Variants in MFSD6 observed in about 807,000 individuals in gnomAD.
MFSD6 encodes major facilitator superfamily domain containing 6.
MFSD6 carries 26 observed loss-of-function variants against 56.3 expected under a neutral mutation model. The observed-to-expected ratio is 0.46, with a 90% confidence interval of 0.34 to 0.64. MFSD6 has a LOEUF of 0.64. MFSD6 is among the 30% of genes least tolerant of loss of function. MFSD6 has a pLI of 0.01. For missense variants in MFSD6, 750 were observed against 986.2 expected (o/e 0.76, Z 3.21); for synonymous variants, 331 against 366.9 (o/e 0.90, Z 1.12).
rs2125108032 is a variant in MFSD6, at chr2:190,458,172, T to C, written c.1533-11586T>C. Among the ~76,000 whole-genome samples the C allele has an allele frequency of 6.6e-6, 1 of 152,284 alleles. No individual in the cohort carries two copies. Among genetic ancestry groups the C allele is most frequent in the Non-Finnish European group, 1.5e-5 (1 of 68,026 alleles). ...GAGTTGTAAGTGACCTCGAAGGGCA[T>C]TTTAATGGGCTGAATTGTGGCCCCT... On this transcript the variant is annotated intron_variant, in intron 3 of 7. Coordinates refer to ENST00000392328, the MANE Select transcript of MFSD6 (RefSeq NM_017694.4). The surrounding 1 kb of genome is among the most constrained non-coding windows in gnomAD (Gnocchi z 5.3).
intron 3 of MFSD6, among the ~76,000 whole-genome samples, chr2:190,445,353 T>C (rs1361273541): frequency 6.6e-6 from 1 of 152,044 alleles, no homozygotes; most frequent in Non-Finnish European, 1.5e-5. Context: ...CATCAGAGTA[T>C]TTAAGAAAAT....
chr2:190,492,123 A>G lies in MFSD6; in HGVS notation c.1891+2257A>G, dbSNP rs75488522. 0.17 allele frequency among the ~76,000 whole-genome samples: 26,043 copies of G among 152,176 alleles called. 2,379 individuals carry two copies. The highest frequency in any genetic ancestry group is 0.3 in the East Asian group (1,575 of 5,178). Reference sequence around the variant, plus strand: ...CGAAGACAAAGAAAAAAGAATTTTAAAAAATGAACAAAGCCTCCAAGAAGT... The same window carrying G: ...CGAAGACAAAGAAAAAAGAATTTTAGAAAATGAACAAAGCCTCCAAGAAGT... On this transcript the variant is annotated intron_variant, in intron 6 of 7. Coordinates refer to ENST00000392328, the MANE Select transcript of MFSD6 (RefSeq NM_017694.4). The surrounding 1 kb of genome is among the most constrained non-coding windows in gnomAD (Gnocchi z 5.2).
In MFSD6 at chr2:190,497,893, C is replaced by A; in HGVS notation, c.2172+174C>A. On this transcript the variant is annotated intron_variant, in intron 7 of 7. Coordinates refer to ENST00000392328, the MANE Select transcript of MFSD6 (RefSeq NM_017694.4). The surrounding 1 kb of genome is among the most constrained non-coding windows in gnomAD (Gnocchi z 5.2). Reference sequence around the variant, plus strand: ...AGCACTGAGTTAAAGAGGGTGTATACAAGGTCCCATAGAGAGAATATTCTG... The same window carrying A: ...AGCACTGAGTTAAAGAGGGTGTATAAAAGGTCCCATAGAGAGAATATTCTG... The A allele has an allele frequency of 1.4e-6, 1 of 708,540 alleles. No homozygotes were observed. The highest frequency in any genetic ancestry group is 2.3e-6 in the Non-Finnish European group (1 of 438,522). 43.9% of individuals were successfully genotyped at this position (708,540 alleles called of 1,614,324 possible).
rs73979240 is a variant in MFSD6, at chr2:190,410,078, C to G, written c.-176+1575C>G. Among the ~76,000 whole-genome samples, 1 of 152,046 alleles carries G rather than the reference C, an allele frequency of 6.6e-6. No homozygotes were observed. Among genetic ancestry groups the G allele is most frequent in the Non-Finnish European group, 1.5e-5 (1 of 68,002 alleles). On this transcript the variant is annotated intron_variant, in intron 1 of 7. Coordinates refer to ENST00000392328, the MANE Select transcript of MFSD6 (RefSeq NM_017694.4). The surrounding 1 kb of genome is among the most constrained non-coding windows in gnomAD (Gnocchi z 4.4). Reference sequence around the variant, plus strand: ...ATCTCTATACAAATAAATATAAAAGCGTGAAGGCAAATAAAACACAAAGAC... The same window carrying G: ...ATCTCTATACAAATAAATATAAAAGGGTGAAGGCAAATAAAACACAAAGAC...
chr2:190,465,241 C>T lies in MFSD6; in HGVS notation c.1533-4517C>T, dbSNP rs1377487457. On this transcript the variant is annotated intron_variant, in intron 3 of 7. Coordinates refer to ENST00000392328, the MANE Select transcript of MFSD6 (RefSeq NM_017694.4). This position sits in a 1 kb window ranked among gnomAD's most constrained non-coding sequence, Gnocchi z 4.6. ...GTAGTGTTTTCTGCTGCATCATTTG[C>T]TTCTTATCAATTGTGTTCCTCTTTA... is the stretch of plus-strand genomic sequence containing the variant. 6.6e-6 allele frequency among the ~76,000 whole-genome samples: 1 copy of T among 152,158 alleles called. No individual in the cohort carries two copies. The highest frequency in any genetic ancestry group is 2.4e-5 in the African/African-American group (1 of 41,432).
In MFSD6 at chr2:190,410,208, CTTA is replaced by C. The variant is rs1010747768; in HGVS notation, c.-176+1710_-176+1712del. On this transcript the variant is annotated intron_variant, in intron 1 of 7. Coordinates refer to ENST00000392328, the MANE Select transcript of MFSD6 (RefSeq NM_017694.4). The surrounding 1 kb of genome is among the most constrained non-coding windows in gnomAD (Gnocchi z 4.4). ...CAGTATTAAGGCATTTTTTTGGGTA[CTTA>C]TTATGTTCAAGACACCATTGTAAAC... 1.8e-4 allele frequency among the ~76,000 whole-genome samples: 28 copies of C among 152,212 alleles called. No individual in the cohort carries two copies. Among genetic ancestry groups the C allele is most frequent in the African/African-American group, 6.3e-4 (26 of 41,530 alleles).
At position 190,487,759 on chromosome 2, in the gene MFSD6, G is replaced by A. The variant is rs554600261; in HGVS notation, c.1631-898G>A. Among the ~76,000 whole-genome samples, 3 of 152,314 alleles carry A rather than the reference G, an allele frequency of 2.0e-5. No homozygotes were observed. Among genetic ancestry groups the A allele is most frequent in the African/African-American group, 7.2e-5 (3 of 41,556 alleles). Reference sequence around the variant, plus strand: ...GATATATATAAGTTCTGGCAAGGAGGTGGAGAAATTGGATCTCTCATACAG... The same window carrying A: ...GATATATATAAGTTCTGGCAAGGAGATGGAGAAATTGGATCTCTCATACAG... On this transcript the variant is annotated intron_variant, in intron 4 of 7. Coordinates refer to ENST00000392328, the MANE Select transcript of MFSD6 (RefSeq NM_017694.4). This position sits in a 1 kb window ranked among gnomAD's most constrained non-coding sequence, Gnocchi z 5.5.
Position 190,483,037 on chromosome 2 carries a change from G to A in MFSD6, c.1631-5620G>A, listed in dbSNP as rs373533713. Among the ~76,000 whole-genome samples the A allele has an allele frequency of 9.8e-3, 1,479 of 151,032 alleles. 15 individuals are homozygous for A. The highest frequency in any genetic ancestry group is 0.06 in the South Asian group (286 of 4,732). ...CTCCCGAGTAGCTGGGACTACAGGC[G>A]CCTGCCACCGCGCCCGGCTAATTTT... On this transcript the variant is annotated intron_variant, in intron 4 of 7. Coordinates refer to ENST00000392328, the MANE Select transcript of MFSD6 (RefSeq NM_017694.4).
rs897396705 is a variant in MFSD6 at position 190,437,224 on chromosome 2, G to T, written c.1195G>T (p.Asp399Tyr). ...FRFRYNHFKN[D>Y]DSKGKEVEIP... ...GTTCCGCTACAACCATTTCAAAAAC[G>T]ATGATTCTAAAGGGAAAGAGGTGGA... The change falls in exon 3 of 8, where the codon GAT (aspartate) becomes TAT (tyrosine). Residue 399 changes from aspartate to tyrosine, a missense_variant. Physicochemically the swap from Asp to Tyr is radical, Grantham distance 160. Coordinates refer to ENST00000392328, the MANE Select transcript of MFSD6 (RefSeq NM_017694.4). This position sits in a 1 kb window ranked among gnomAD's most constrained non-coding sequence, Gnocchi z 5.9. The T allele has an allele frequency of 3.1e-6, 5 of 1,614,088 alleles. No homozygotes were observed. In the African/African-American group the frequency reaches 5.3e-5, roughly 17 times the overall value.
chr2:190,478,418 C>A (rs1022536415), intron 4 of MFSD6, among the ~76,000 whole-genome samples: 1 of 152,140 alleles, frequency 6.6e-6, no homozygotes, highest in Non-Finnish European at 1.5e-5. Context: ...TTGACCCATG[C>A]CCACCCCATG....
chr2:190,489,474 G>A lies in MFSD6; in HGVS notation c.1793-294G>A, dbSNP rs1387485195. ...AATTGGGTAAATGGTCTTTTCATAT[G>A]AAGAGGAGAGCACCATTGAATTGTA... On this transcript the variant is annotated intron_variant, in intron 5 of 7. Coordinates refer to ENST00000392328, the MANE Select transcript of MFSD6 (RefSeq NM_017694.4). The surrounding 1 kb of genome is among the most constrained non-coding windows in gnomAD (Gnocchi z 6.6). 6.6e-6 allele frequency among the ~76,000 whole-genome samples: 1 copy of A among 152,196 alleles called. No individual in the cohort carries two copies. Among genetic ancestry groups the A allele is most frequent in the Non-Finnish European group, 1.5e-5 (1 of 68,036 alleles).
chr2:190,443,150 G>GT lies in MFSD6; in HGVS notation c.1532+5590dup, dbSNP rs1460661021. On this transcript the variant is annotated intron_variant, in intron 3 of 7. Transcript: ENST00000392328. The surrounding 1 kb of genome is among the most constrained non-coding windows in gnomAD (Gnocchi z 4.2). ...TCATCACCTGAGCCAGGAACCCTCT[G>GT]TGGGTGTTCCTAGGTGGGCCTAAGA... 6.6e-6 allele frequency: 1 copy of GT among 152,092 alleles called. No homozygotes were observed. The highest frequency in any genetic ancestry group is 1.9e-4 in the East Asian group (1 of 5,204). The allele number at this position is 152,092 out of a possible 1,614,324, so 9.4% of individuals were successfully genotyped here.
In MFSD6 at chr2:190,488,802, G is replaced by A. The variant is rs1689163687; in HGVS notation, c.1776G>A (p.Val592=). ...GRGCGAMIGG[V]LVNYFGAAAT... is the part of the protein sequence containing the mutation. Reference sequence around the variant, plus strand: ...GATGTGGTGCCATGATCGGAGGCGTGTTAGTCAATTATTTTGGTAAGAATG... The same window carrying A: ...GATGTGGTGCCATGATCGGAGGCGTATTAGTCAATTATTTTGGTAAGAATG... The change falls in exon 5 of 8, where the codon GTG becomes GTA. Residue 592 remains valine (V), a synonymous_variant. Transcript: ENST00000392328. This position sits in a 1 kb window ranked among gnomAD's most constrained non-coding sequence, Gnocchi z 6.4. The A allele has an allele frequency of 6.4e-6, 10 of 1,572,030 alleles. No individual in the cohort carries two copies. The highest frequency in any genetic ancestry group is 7.7e-6 in the Non-Finnish European group (9 of 1,165,076).
chr2:190,450,485 TTCC>T (rs1402521248), intron 3 of MFSD6, among the ~76,000 whole-genome samples: 2 of 105,786 alleles, frequency 1.9e-5, no homozygotes, highest in African/African-American at 3.2e-5. Context: ...TTTTCTCTTT[TTCC>T]TTTTTTTTTT....
intron 6 of MFSD6, among the ~76,000 whole-genome samples, chr2:190,493,711 C>G (rs1447890925): frequency 1.3e-5 from 2 of 152,110 alleles, no homozygotes; most frequent in Non-Finnish European, 2.9e-5. Context: ...AAATCAACTC[C>G]AAAAGGAACC....
chr2:190,415,998 G>A lies in MFSD6; in HGVS notation c.-54+585G>A, dbSNP rs1025161739. ...ATGTGAACTGTTACTTTTTCCTCCC[G>A]CTGGGCTTGTTCTAAGACAGGAAGC... is the stretch of plus-strand genomic sequence containing the variant. On this transcript the variant is annotated intron_variant, in intron 2 of 7. Transcript: ENST00000392328. The surrounding 1 kb of genome is among the most constrained non-coding windows in gnomAD (Gnocchi z 4.5). Among the ~76,000 whole-genome samples the A allele has an allele frequency of 6.6e-6, 1 of 152,024 alleles. No homozygotes were observed. The highest frequency in any genetic ancestry group is 1.5e-5 in the Non-Finnish European group (1 of 67,984).
intron 3 of MFSD6, among the ~76,000 whole-genome samples, chr2:190,468,995 C>T (rs977335855): frequency 2.0e-5 from 3 of 152,204 alleles, no homozygotes; most frequent in Admixed American, 6.5e-5. Context: ...CAGTTCAGAA[C>T]GAGAGACTGA....
Position 190,488,179 on chromosome 2 carries a change from G to A in MFSD6, c.1631-478G>A, listed in dbSNP as rs1689126849. 6.6e-6 allele frequency among the ~76,000 whole-genome samples: 1 copy of A among 152,208 alleles called. No individual in the cohort carries two copies. Among genetic ancestry groups the A allele is most frequent in the African/African-American group, 2.4e-5 (1 of 41,446 alleles). ...GCCTCCCAAAGTGCTGGGATTACAG[G>A]CGTGAGCCACTGCGCCCAGCCACTC... On this transcript the variant is annotated intron_variant, in intron 4 of 7. Transcript: ENST00000392328. The surrounding 1 kb of genome is among the most constrained non-coding windows in gnomAD (Gnocchi z 6.4).
chr2:190,413,949 A>G lies in MFSD6; in HGVS notation c.-175-1343A>G, dbSNP rs1374961689. 1.3e-5 allele frequency among the ~76,000 whole-genome samples: 2 copies of G among 152,160 alleles called. No individual in the cohort carries two copies. The highest frequency in any genetic ancestry group is 4.8e-5 in the African/African-American group (2 of 41,426). On this transcript the variant is annotated intron_variant, in intron 1 of 7. Coordinates refer to ENST00000392328, the MANE Select transcript of MFSD6 (RefSeq NM_017694.4). This position sits in a 1 kb window ranked among gnomAD's most constrained non-coding sequence, Gnocchi z 4.1. ...CTGGGAATTCTTAACTGTTCAGGGC[A>G]CTTTTAGGGACAAAGTTAAGGTAGA... is the stretch of plus-strand genomic sequence containing the variant.
Sources: gnomAD v4.1 joint callset for allele counts (sites outside exome capture counted in the v4.1 genomes callset) on GRCh38, gnomAD v4.1.1 for gene constraint, Gnocchi (gnomAD v3.1) non-coding constraint, MANE v1.5 for transcripts, NCBI Gene and HGNC (gene_info 2026-07-23, HGNC 2026-07-21) for gene names.